The following CHN2 variants were observed in gnomAD, a reference collection of about 807,000 sequenced individuals.
CHN2 encodes chimerin 2, also known as beta-chimaerin.
In CHN2, 35 loss-of-function variants were observed where a neutral mutation model predicts 56.3. The observed-to-expected ratio is 0.62, with a 90% CI of 0.47 to 0.82. The LOEUF is 0.82. CHN2 is among the 40% of genes least tolerant of loss of function. The pLI is 0.00. For synonymous variants in CHN2, 210 were observed against 212.8 expected, an observed-to-expected ratio of 0.99 and a Z score of 0.12; for missense variants, 491 against 580.5, an observed-to-expected ratio of 0.85 and a Z score of 1.58.
At chr7:29,288,461 T>A (rs898178339) in intron 1 of CHN2, among the ~76,000 whole-genome samples, 1 of 152,246 alleles carries the variant, frequency 6.6e-6, no homozygotes, top group East Asian at 1.9e-4. Flanking sequence ...TTGTGGTGTA[T>A]ATTTTAGGGT....
intron 1 of CHN2, among the ~76,000 whole-genome samples, chr7:29,202,312 A>G (rs944555839): frequency 6.6e-6 from 1 of 152,256 alleles, no homozygotes; most frequent in East Asian, 1.9e-4. Context: ...CATCAGGGCA[A>G]AGCAAATGCA....
At chr7:29,402,226 T>G (rs757617462) in intron 6 of CHN2, among the ~76,000 whole-genome samples, 3 of 152,170 alleles carry the variant, frequency 2.0e-5, no homozygotes, top group Non-Finnish European at 4.4e-5. Context: ...AGGGATCATG[T>G]CAACTGATTT....
chr7:29,317,931 C>T (rs1795073208), intron 1 of CHN2, among the ~76,000 whole-genome samples: 1 of 152,104 alleles, frequency 6.6e-6, no homozygotes, highest in East Asian at 1.9e-4. Flanking sequence ...TTGCAGTAAG[C>T]CAAGATAGTG....
intron 2 of CHN2, among the ~76,000 whole-genome samples, chr7:29,362,592 C>T (rs1224418082): frequency 2.0e-5 from 3 of 152,160 alleles, no homozygotes; most frequent in African/African-American, 2.4e-5. Context: ...CTCACACATC[C>T]CACGCCCTGG....
At chr7:29,220,693 T>G (rs547221568) in intron 1 of CHN2, among the ~76,000 whole-genome samples, 98 of 152,324 alleles carry the variant, frequency 6.4e-4, no homozygotes, top group Middle Eastern at 6.8e-3. Flanking sequence ...CAGACCAATA[T>G]TGCTTTAGCA....
At chr7:29,252,187 ATTTTT>A (rs3046893) in intron 1 of CHN2, among the ~76,000 whole-genome samples, 6 of 113,930 alleles carry the variant, frequency 5.3e-5, no homozygotes, top group African/African-American at 1.0e-4. Flanking sequence ...ATTATACAGG[ATTTTT>A]TTTTTTTTTT....
At chr7:29,217,706 C>T (rs188024203) in intron 1 of CHN2, among the ~76,000 whole-genome samples, 12 of 152,182 alleles carry the variant, frequency 7.9e-5, no homozygotes, top group African/African-American at 2.2e-4. Context: ...TTTAATAGCT[C>T]GGAGCAAATA....
chr7:29,392,943 G>A (rs1483028813), intron 3 of CHN2, among the ~76,000 whole-genome samples: 1 of 152,170 alleles, frequency 6.6e-6, no homozygotes, highest in African/African-American at 2.4e-5. Flanking sequence ...AAGAACAAAG[G>A]CCGAGCATGA....
chr7:29,360,137 G>T (rs1221159538), intron 2 of CHN2, among the ~76,000 whole-genome samples: 1 of 152,158 alleles, frequency 6.6e-6, no homozygotes, highest in Non-Finnish European at 1.5e-5. Flanking sequence ...ACATACTTAC[G>T]CCTGAAACCC....
chr7:29,238,143 G>A (rs910294492), intron 1 of CHN2, among the ~76,000 whole-genome samples: 7 of 147,944 alleles, frequency 4.7e-5, no homozygotes, highest in East Asian at 2.1e-4. Flanking sequence ...TCAGCCTCCC[G>A]AGTAGCTGGG....
intron 3 of CHN2, among the ~76,000 whole-genome samples, chr7:29,381,664 C>T (rs1386198287): frequency 1.3e-5 from 2 of 151,976 alleles, no homozygotes; most frequent in Admixed American, 1.3e-4. Flanking sequence ...TCATAGTTCT[C>T]AGTCCTGGGT....
intron 1 of CHN2, chr7:29,146,821 G>T: frequency 6.4e-7 from 1 of 1,550,574 alleles, no homozygotes; most frequent in Non-Finnish European, 8.7e-7. Context: ...TTTCAACCCT[G>T]TATTTTGAAA....
chr7:29,362,995 A>C (rs1585164279), intron 2 of CHN2, among the ~76,000 whole-genome samples: 1 of 152,228 alleles, frequency 6.6e-6, no homozygotes, highest in African/African-American at 2.4e-5. Context: ...AAGAGGCATT[A>C]ATAATGGGAA....
At chr7:29,166,833 TTG>T (rs1026568445) in intron 2 of CHN2, among the ~76,000 whole-genome samples, 55 of 152,266 alleles carry the variant, frequency 3.6e-4, no homozygotes, top group African/African-American at 1.2e-3. Context: ...TCTCTATTTT[TTG>T]TTTTTCTATT....
At chr7:29,490,069 T>G (rs1324425008) in intron 7 of CHN2, among the ~76,000 whole-genome samples, 1 of 152,108 alleles carries the variant, frequency 6.6e-6, no homozygotes, top group African/African-American at 2.4e-5. Context: ...TGAGGTTATT[T>G]CATCCACTCA....
intron 2 of CHN2, among the ~76,000 whole-genome samples, chr7:29,169,426 C>T (rs1796317589): frequency 6.6e-6 from 1 of 151,978 alleles, no homozygotes; most frequent in Non-Finnish European, 1.5e-5. Flanking sequence ...AAAAACTTAC[C>T]ATTAGTGATT....
intron 6 of CHN2, among the ~76,000 whole-genome samples, chr7:29,451,781 C>G (rs1033127397): frequency 3.3e-5 from 5 of 152,210 alleles, no homozygotes; most frequent in Middle Eastern, 3.4e-3. Context: ...CTGTGATTAG[C>G]CCCCCGTCTT....
chr7:29,331,468 G>A (rs1286978163), intron 1 of CHN2, among the ~76,000 whole-genome samples: 1 of 152,150 alleles, frequency 6.6e-6, no homozygotes, highest in East Asian at 1.9e-4. Context: ...CTGCAGCACT[G>A]GAGCAAGGAG....
chr7:29,154,356 T>G (rs2128697691), intron 2 of CHN2, among the ~76,000 whole-genome samples: 1 of 152,334 alleles, frequency 6.6e-6, no homozygotes, highest in East Asian at 1.9e-4. Flanking sequence ...CTGTATGAGC[T>G]AAATGGGTGG....
Sources: allele counts gnomAD v4.1 joint callset (sites outside exome capture counted in the v4.1 genomes callset), GRCh38; gene constraint gnomAD v4.1.1; transcripts MANE v1.5; gene names NCBI Gene and HGNC (gene_info 2026-07-23, HGNC 2026-07-21).